FGF7: variants seen among roughly 807,000 people sequenced by gnomAD.
FGF7 encodes the protein fibroblast growth factor 7.
FGF7 carries 6 observed loss-of-function variants against 20.5 expected under a neutral mutation model. That is an observed-to-expected ratio of 0.29 (90% CI 0.16 to 0.58). The LOEUF (loss-of-function observed/expected upper bound fraction) is 0.58, where lower values mean the gene tolerates loss of function less well. FGF7 is among the 20% of genes least tolerant of loss of function. FGF7 has a pLI of 0.90. For missense variants in FGF7, 144 were observed against 228.8 expected, an observed-to-expected ratio of 0.63 and a Z score of 2.39; for synonymous variants, 64 against 74.7, an observed-to-expected ratio of 0.86 and a Z score of 0.74.
At chr15:49,477,319 G>A (rs1460553012) in intron 2 of FGF7, among the ~76,000 whole-genome samples, 2 of 152,148 alleles carry the variant, frequency 1.3e-5, no homozygotes, top group African/African-American at 2.4e-5. Flanking sequence ...AAAATCCCCT[G>A]TGATTCAGCT....
chr15:49,435,880 A>G (rs2051056384), intron 2 of FGF7, among the ~76,000 whole-genome samples: 1 of 151,610 alleles, frequency 6.6e-6, no homozygotes, highest in South Asian at 2.1e-4. Context: ...AAATCTTACA[A>G]TGTACAACTG....
intron 2 of FGF7, among the ~76,000 whole-genome samples, chr15:49,467,006 C>T (rs1407231021): frequency 6.6e-6 from 1 of 152,074 alleles, no homozygotes; most frequent in Non-Finnish European, 1.5e-5. Context: ...TGCTGATGAC[C>T]AGCATGATTT....
chr15:49,432,346 T>A (rs917303864), intron 2 of FGF7, among the ~76,000 whole-genome samples: 3 of 151,802 alleles, frequency 2.0e-5, no homozygotes, highest in Admixed American at 1.3e-4. Context: ...CTTCTCTAAC[T>A]AACCTGCTGA....
rs1567359064 is a variant in FGF7 at position 49,479,597 on chromosome 15, C to CTTT, written c.287-3553_287-3552insTTT. 1.7e-4 allele frequency among the ~76,000 whole-genome samples: 17 copies of CTTT among 102,082 alleles called. No homozygotes were observed. The East Asian group carries it at 1.7e-3, about 10-fold the overall frequency. 67.0% of individuals were successfully genotyped at this position (102,082 alleles called of 152,430 possible). A position where few individuals can be genotyped will look rare whatever the true frequency, so the allele number is the denominator to read the frequency against. ...GGGTAGGATTTCATAGTTAATACCT[C>CTTT]TGTTTTTTTTTTTTTTTTTTTTTTT... is the stretch of plus-strand genomic sequence containing the variant. On this transcript the variant is annotated intron_variant, in intron 2 of 3. Transcript: ENST00000267843.
At chr15:49,444,843 A>G (rs79639794) in intron 2 of FGF7, among the ~76,000 whole-genome samples, 1 of 151,872 alleles carries the variant, frequency 6.6e-6, no homozygotes, top group Non-Finnish European at 1.5e-5. Flanking sequence ...AGCTAAAAAA[A>G]TAAATTTACA....
At chr15:49,425,758 A>T (rs977713890) in intron 2 of FGF7, among the ~76,000 whole-genome samples, 16 of 151,856 alleles carry the variant, frequency 1.1e-4, no homozygotes, top group Non-Finnish European at 1.2e-4. Flanking sequence ...ACCATAATTG[A>T]TATAGAATGT....
At chr15:49,459,440 G>A (rs1294340185) in intron 2 of FGF7, among the ~76,000 whole-genome samples, 1 of 151,942 alleles carries the variant, frequency 6.6e-6, no homozygotes, top group African/African-American at 2.4e-5. Context: ...TTGCAGTGCT[G>A]TTTTCTTTCT....
intron 2 of FGF7, among the ~76,000 whole-genome samples, chr15:49,461,840 G>T (rs536143227): frequency 6.6e-6 from 1 of 152,202 alleles, no homozygotes; most frequent in South Asian, 2.1e-4. Flanking sequence ...TCTACATATG[G>T]TTACTAGGGT....
intron 2 of FGF7, among the ~76,000 whole-genome samples, chr15:49,447,307 T>C (rs866207606): frequency 4.0e-5 from 6 of 151,726 alleles, no homozygotes; most frequent in African/African-American, 1.4e-4. Flanking sequence ...CAAAATACTC[T>C]CTTATCACTT....
chr15:49,483,724 T>C (rs991294805), intron 3 of FGF7, among the ~76,000 whole-genome samples: 13 of 152,064 alleles, frequency 8.5e-5, no homozygotes, highest in Non-Finnish European at 1.9e-4. Context: ...TTCACTACAA[T>C]GCAAAATATG....
Position 49,455,568 on chromosome 15 carries a change from C to T in FGF7, c.287-27583C>T, listed in dbSNP as rs540770842. Among the ~76,000 whole-genome samples the T allele has an allele frequency of 4.6e-5, 7 of 152,122 alleles. No homozygotes were observed. In the East Asian group the frequency reaches 5.8e-4, roughly 13 times the overall value. On this transcript the variant is annotated intron_variant, in intron 2 of 3. Transcript: ENST00000267843. The stretch of plus-strand genomic sequence containing the variant: ...TTACTGAATTTCTGGGTAGGTCCAT[C>T]GTCAGTTATAAAAAAGTTTTTGGAT...
chr15:49,439,894 T>C (rs2051474406), intron 2 of FGF7, among the ~76,000 whole-genome samples: 1 of 151,568 alleles, frequency 6.6e-6, no homozygotes, highest in African/African-American at 2.4e-5. Context: ...GATCATAGAG[T>C]CCAGAGATTT....
At chr15:49,467,069 A>C (rs1335423069) in intron 2 of FGF7, among the ~76,000 whole-genome samples, 1 of 152,156 alleles carries the variant, frequency 6.6e-6, no homozygotes, top group East Asian at 1.9e-4. Context: ...ACATTTAGAC[A>C]CAAGTTAAAG....
intron 2 of FGF7, among the ~76,000 whole-genome samples, chr15:49,476,203 T>A (rs2055253790): frequency 6.7e-6 from 1 of 148,806 alleles, no homozygotes. Context: ...AATTCCTATT[T>A]ATTTTGCTGT....
chr15:49,473,261 G>T (rs2054944990), intron 2 of FGF7, among the ~76,000 whole-genome samples: 1 of 152,070 alleles, frequency 6.6e-6, no homozygotes, highest in South Asian at 2.1e-4. Context: ...AAGTCATGAT[G>T]ATGTTCACTA....
intron 2 of FGF7, among the ~76,000 whole-genome samples, chr15:49,435,044 A>G (rs1361018782): frequency 6.6e-6 from 1 of 151,780 alleles, no homozygotes; most frequent in East Asian, 1.9e-4. Flanking sequence ...CATACAAAAC[A>G]GTAATGTTCA....
At chr15:49,465,594 A>G (rs2054199520) in intron 2 of FGF7, among the ~76,000 whole-genome samples, 1 of 70,850 alleles carries the variant, frequency 1.4e-5, no homozygotes, top group South Asian at 3.9e-4. Flanking sequence ...AAACCAAAAA[A>G]GAGAGACCTA....
chr15:49,435,243 G>A lies in FGF7; in HGVS notation c.286+10660G>A, dbSNP rs536226270. ...GTTGACAAATAATCACTGTAAAATC[G>A]AAGTAATCTTTATGGAGTTTTTTCC... On this transcript the variant is annotated intron_variant, in intron 2 of 3. Transcript: ENST00000267843. Among the ~76,000 whole-genome samples, 149 of 151,586 alleles carry A rather than the reference G, an allele frequency of 9.8e-4. 5 individuals carry two copies. The South Asian group carries it at 0.027, about 28-fold the overall frequency.
intron 2 of FGF7, among the ~76,000 whole-genome samples, chr15:49,442,662 T>C (rs947994343): frequency 4.0e-5 from 6 of 151,726 alleles, no homozygotes; most frequent in African/African-American, 1.2e-4. Context: ...GTGTCTTTTA[T>C]TGTTGCCTGC....
Sources: allele counts gnomAD v4.1 joint callset (sites outside exome capture counted in the v4.1 genomes callset), GRCh38; gene constraint gnomAD v4.1.1; transcripts MANE v1.5; gene names NCBI Gene and HGNC (gene_info 2026-07-23, HGNC 2026-07-21).